IL21: variants seen among roughly 807,000 people sequenced by gnomAD.
The protein encoded by IL21 is interleukin 21.
A neutral mutation model predicts 18.4 loss-of-function variants in IL21; 3 were observed. The ratio of observed to expected loss-of-function variants is 0.16; its 90% CI spans 0.07 to 0.42. IL21 has a LOEUF of 0.42. Among genes scored for constraint, IL21 ranks in the 10% least tolerant of loss-of-function variants. IL21 has a pLI of 0.99. For synonymous variants in IL21, 37 were observed against 62.0 expected, an observed-to-expected ratio of 0.60 and a Z score of 1.90; for missense variants, 130 against 188.4, an observed-to-expected ratio of 0.69 and a Z score of 1.81.
chr4:122,618,188 G>T (rs1392270311), intron 2 of IL21, among the ~76,000 whole-genome samples: 2 of 152,102 alleles, frequency 1.3e-5, no homozygotes, highest in Admixed American at 1.3e-4. Flanking sequence ...TTCCTCTTCA[G>T]CTGAAGAACA....
At chr4:122,614,254 T>C (rs1219969245) in intron 3 of IL21, among the ~76,000 whole-genome samples, 1 of 152,192 alleles carries the variant, frequency 6.6e-6, no homozygotes, top group Non-Finnish European at 1.5e-5. Context: ...GTTTCAAAAA[T>C]ATGTTCAGCT....
At position 122,620,983 on chromosome 4, in the gene IL21, C is replaced by T; in HGVS notation, c.29G>A (p.Arg10Lys). The change falls in exon 1 of 5, where the codon AGG becomes AAG. Residue 10 changes from arginine (R) to lysine (K), a missense_variant. By Grantham distance (26) the Arg-to-Lys change is conservative. Coordinates refer to ENST00000648588, the MANE Select transcript of IL21 (RefSeq NM_021803.4). MRSSPGNME[R>K]IVICLMVIFL... The stretch of plus-strand genomic sequence containing the variant: ...GATGACCATCAGACAGATGACAATC[C>T]TCTCCATGTTGCCAGGACTGGATCT... The T allele has an allele frequency of 6.2e-7, 1 of 1,613,972 alleles. No individual in the cohort carries two copies. Among genetic ancestry groups the T allele is most frequent in the Non-Finnish European group, 8.5e-7 (1 of 1,179,900 alleles).
At chr4:122,613,911 T>C (rs1020984931) in intron 3 of IL21, among the ~76,000 whole-genome samples, 5 of 152,198 alleles carry the variant, frequency 3.3e-5, no homozygotes, top group African/African-American at 1.2e-4. Context: ...ATTTATGTGA[T>C]TACTAGGGAG....
intron 2 of IL21, among the ~76,000 whole-genome samples, chr4:122,618,367 A>C (rs1321467635): frequency 6.6e-6 from 1 of 151,894 alleles, no homozygotes; most frequent in African/African-American, 2.4e-5. Context: ...GCAATCCTCC[A>C]AACTTGGCTT....
rs900602053 is a variant in IL21 at position 122,611,245 on chromosome 4, T to A, written c.*1465A>T. ...CCTTTGTCATACATGTTCTAAAATG[T>A]TAAAACAGAGTACCTTGTTTCTGAT... On this transcript the variant is annotated 3_prime_UTR_variant, in exon 5 of 5. Coordinates refer to ENST00000648588, the MANE Select transcript of IL21 (RefSeq NM_021803.4). Among the ~76,000 whole-genome samples, 1 of 152,220 alleles carries A rather than the reference T, an allele frequency of 6.6e-6. No individual in the cohort carries two copies. The highest frequency in any genetic ancestry group is 1.5e-5 in the Non-Finnish European group (1 of 68,032).
intron 3 of IL21, among the ~76,000 whole-genome samples, chr4:122,613,812 C>A (rs983149807): frequency 1.3e-5 from 2 of 152,114 alleles, no homozygotes; most frequent in Non-Finnish European, 2.9e-5. Context: ...AAGGGTTTTA[C>A]CTCTTTTCAC....
chr4:122,617,675 C>T (rs759945110), intron 2 of IL21, among the ~76,000 whole-genome samples: 2 of 152,156 alleles, frequency 1.3e-5, no homozygotes, highest in Admixed American at 6.5e-5. Flanking sequence ...TGGACACTGA[C>T]GCCCATATTG....
Position 122,611,419 on chromosome 4 carries a change from A to G in IL21, c.*1291T>C, listed in dbSNP as rs995086812. 2.0e-5 allele frequency among the ~76,000 whole-genome samples: 3 copies of G among 152,222 alleles called. No homozygotes were observed. Among genetic ancestry groups the G allele is most frequent in the Non-Finnish European group, 4.4e-5 (3 of 68,032 alleles). The stretch of plus-strand genomic sequence containing the variant: ...CACATAATTTTTCTTCTCAGAGCAT[A>G]AAGCATTTCTCATCCCACATCCTCT... On this transcript the variant is annotated 3_prime_UTR_variant, in exon 5 of 5. Coordinates refer to ENST00000648588, the MANE Select transcript of IL21 (RefSeq NM_021803.4).
chr4:122,610,112 G>A lies in IL21; in HGVS notation c.*2598C>T, dbSNP rs1799246973. On this transcript the variant is annotated 3_prime_UTR_variant, in exon 5 of 5. Coordinates refer to ENST00000648588, the MANE Select transcript of IL21 (RefSeq NM_021803.4). ...GGGAATCACAAAAGACGGTTGTACT[G>A]GGCGGGTAGTATTTAATATGATCAG... is the stretch of plus-strand genomic sequence containing the variant. 6.6e-6 allele frequency among the ~76,000 whole-genome samples: 1 copy of A among 152,086 alleles called. No individual in the cohort carries two copies. The highest frequency in any genetic ancestry group is 6.5e-5 in the Admixed American group (1 of 15,268).
intron 2 of IL21, among the ~76,000 whole-genome samples, chr4:122,617,099 C>G (rs927168156): frequency 2.6e-5 from 4 of 152,142 alleles, no homozygotes; most frequent in Non-Finnish European, 5.9e-5. Context: ...AGACACAAAC[C>G]TATCAGGTTT....
At chr4:122,615,496 C>G (rs1799324077) in intron 3 of IL21, among the ~76,000 whole-genome samples, 186 bp downstream of exon 3, 1 of 150,444 alleles carries the variant, frequency 6.6e-6, no homozygotes, top group Non-Finnish European at 1.5e-5. Context: ...CCACTGCACT[C>G]CAGCCTGGGT....
intron 3 of IL21, among the ~76,000 whole-genome samples, chr4:122,613,446 G>A (rs1230573560): frequency 6.6e-6 from 1 of 150,654 alleles, no homozygotes; most frequent in African/African-American, 2.4e-5. Flanking sequence ...CCACCTCCTG[G>A]ATTCAAGCAA....
At position 122,615,793 on chromosome 4, in the gene IL21, T is replaced by C. The variant is rs1799329470; in HGVS notation, c.249A>G (p.Gln83=). 6.2e-7 allele frequency: 1 copy of C among 1,613,494 alleles called. No homozygotes were observed. Among genetic ancestry groups the C allele is most frequent in the South Asian group, 1.1e-5 (1 of 91,032 alleles). The change falls in exon 3 of 5, where the codon CAA becomes CAG. Residue 83 remains glutamine (Q), a synonymous_variant. Transcript: ENST00000648588. ...TGTTTCCTGTATTTGCTGACTTTAG[T>C]TGGGCCTTCTGAAAGCAGGAAAAAG... ...WSAFSCFQKA[Q]LKSANTGNNE...
At chr4:122,615,452 C>G (rs193246404) in intron 3 of IL21, among the ~76,000 whole-genome samples, 1 of 151,070 alleles carries the variant, frequency 6.6e-6, no homozygotes, top group East Asian at 2.0e-4. Flanking sequence ...GGCGTGAAAC[C>G]GGGAGGTGGA....
At chr4:122,612,797 A>G (rs2150684804) in intron 4 of IL21, 37 bp from the exon 5 acceptor site, 1 of 1,613,398 alleles carries the variant, frequency 6.2e-7, no homozygotes, top group South Asian at 1.1e-5. Context: ...CTAAGAAGCA[A>G]ATCTGGATAG....
chr4:122,610,763 T>C lies in IL21; in HGVS notation c.*1947A>G, dbSNP rs1170182348. On this transcript the variant is annotated 3_prime_UTR_variant, in exon 5 of 5. Coordinates refer to ENST00000648588, the MANE Select transcript of IL21 (RefSeq NM_021803.4). ...TTATGGGTTATCTTTATATTCCTTT[T>C]AAGAACTGGCCATCTTGAACATAGA... 1.3e-5 allele frequency among the ~76,000 whole-genome samples: 2 copies of C among 152,198 alleles called. No homozygotes were observed. The highest frequency in any genetic ancestry group is 2.9e-5 in the Non-Finnish European group (2 of 68,024).
intron 3 of IL21, among the ~76,000 whole-genome samples, chr4:122,613,494 G>T (rs1025024508): frequency 4.6e-5 from 7 of 151,850 alleles, no homozygotes; most frequent in Non-Finnish European, 1.0e-4. Context: ...TGGGATTACA[G>T]GCACGCACGA....
chr4:122,618,502 T>C (rs1441032372), intron 2 of IL21, among the ~76,000 whole-genome samples: 1 of 152,010 alleles, frequency 6.6e-6, no homozygotes, highest in Admixed American at 6.6e-5. Context: ...GTCTTGCTAA[T>C]TGGGCAAGAC....
intron 3 of IL21, among the ~76,000 whole-genome samples, chr4:122,613,480 T>A (rs1159715727): frequency 6.6e-6 from 1 of 151,604 alleles, no homozygotes; most frequent in East Asian, 1.9e-4. Flanking sequence ...GCCTCCCAAG[T>A]AGCTGGGATT....
Sources: gnomAD v4.1 joint callset for allele counts (sites outside exome capture counted in the v4.1 genomes callset) on GRCh38, gnomAD v4.1.1 for gene constraint, MANE v1.5 for transcripts, NCBI Gene and HGNC (gene_info 2026-07-23, HGNC 2026-07-21) for gene names.